Variants in ABTB2 observed in about 807,000 individuals in gnomAD.
ABTB2 encodes ankyrin repeat and BTB/POZ domain-containing protein 2.
A neutral mutation model predicts 104.1 loss-of-function variants in ABTB2; 56 were observed. The observed-to-expected ratio is 0.54, with a 90% CI of 0.43 to 0.67. The LOEUF (loss-of-function observed/expected upper bound fraction) is 0.67. Among genes scored for constraint, ABTB2 ranks in the 30% least tolerant of loss-of-function variants. The probability of loss-of-function intolerance (pLI) is 0.00; values close to 1 mark genes in which losing one functional copy is unlikely to be tolerated. For synonymous variants in ABTB2, 606 were observed against 608.2 expected (o/e 1.00, Z 0.05); for missense variants, 1,279 against 1,407.7 (o/e 0.91, Z 1.46).
At position 34,357,465 on chromosome 11, in the gene ABTB2, T is replaced by C. The variant is rs535418483; in HGVS notation, c.119A>G (p.Gln40Arg). The C allele has an allele frequency of 4.5e-5, 70 of 1,547,352 alleles. 1 individual carries two copies. In the South Asian group the frequency reaches 6.3e-4, roughly 14 times the overall value. Residue 40 changes from glutamine (Q) to arginine (R), a missense_variant, in exon 1 of 17, where the codon CAG becomes CGG. Physicochemically the swap from Gln to Arg is conservative, Grantham distance 43. Coordinates refer to ENST00000435224, the MANE Select transcript of ABTB2 (RefSeq NM_145804.3). The stretch of plus-strand genomic sequence containing the variant: ...CTGCTGCGCCGAAGAGTTGAGCGCC[T>C]GCGAGTTGGACTTGGAGGACGAGAG... ...LSLSSSKSNS[Q>R]ALNSSAQQHR... is the part of the protein sequence containing the mutation.
At chr11:34,337,622 T>G (rs1007740485) in intron 1 of ABTB2, among the ~76,000 whole-genome samples, 2 of 152,154 alleles carry the variant, frequency 1.3e-5, no homozygotes, top group African/African-American at 4.8e-5. Context: ...TCATTTCAAC[T>G]ATCTCAAGGC....
intron 1 of ABTB2, chr11:34,335,438 C>G (rs1188928786): frequency 3.8e-6 from 3 of 787,898 alleles, no homozygotes; most frequent in Non-Finnish European, 6.7e-6. Flanking sequence ...CTTCTTCACT[C>G]TAAACAGTCA....
At position 34,357,605 on chromosome 11, in the gene ABTB2, G is replaced by A; in HGVS notation, c.-22C>T. 1 of 1,489,420 alleles carries A rather than the reference G, an allele frequency of 6.7e-7. No homozygotes were observed. Among genetic ancestry groups the A allele is most frequent in the South Asian group, 1.3e-5 (1 of 78,638 alleles). 92.3% of individuals were successfully genotyped at this position (1,489,420 alleles called of 1,614,324 possible). On this transcript the variant is annotated 5_prime_UTR_variant, in exon 1 of 17. The change creates a new upstream start codon in the 5' untranslated region. Transcript: ENST00000435224. Reference sequence around the variant, plus strand: ...CCATGGGGAGCCTGCCGAGGGCGGCGTCGCCGAGCGAGGGGCACTCACAAC... The same window carrying A: ...CCATGGGGAGCCTGCCGAGGGCGGCATCGCCGAGCGAGGGGCACTCACAAC...
chr11:34,347,317 T>C (rs568298139), intron 1 of ABTB2, among the ~76,000 whole-genome samples: 69 of 152,218 alleles, frequency 4.5e-4, no homozygotes, highest in Non-Finnish European at 9.0e-4. Flanking sequence ...CTGCCTATAA[T>C]CTCAGCTAAC....
chr11:34,329,029 A>T (rs1855101053), intron 1 of ABTB2, among the ~76,000 whole-genome samples: 1 of 152,222 alleles, frequency 6.6e-6, no homozygotes, highest in Non-Finnish European at 1.5e-5. Context: ...ATCTGGCACA[A>T]TTTAAGATCC....
chr11:34,333,712 T>C (rs1295719413), intron 1 of ABTB2, among the ~76,000 whole-genome samples: 1 of 152,164 alleles, frequency 6.6e-6, no homozygotes, highest in Non-Finnish European at 1.5e-5. Flanking sequence ...GCTGAGATTG[T>C]GTCACTGCAC....
chr11:34,255,813 G>A (rs968075458), intron 1 of ABTB2, among the ~76,000 whole-genome samples: 3 of 152,024 alleles, frequency 2.0e-5, no homozygotes, highest in African/African-American at 2.4e-5. Context: ...CACCAGGCCC[G>A]CCCAGAAATT....
At chr11:34,285,682 G>A (rs1173639250) in intron 1 of ABTB2, among the ~76,000 whole-genome samples, 1 of 152,170 alleles carries the variant, frequency 6.6e-6, no homozygotes, top group Non-Finnish European at 1.5e-5. Context: ...AGGGATTTCA[G>A]TATTTTTAAG....
chr11:34,306,555 T>C (rs1854775262), intron 1 of ABTB2, among the ~76,000 whole-genome samples: 1 of 152,040 alleles, frequency 6.6e-6, no homozygotes, highest in South Asian at 2.1e-4. Flanking sequence ...ACTGGAAAGC[T>C]GTTTTTTAAA....
intron 3 of ABTB2, among the ~76,000 whole-genome samples, chr11:34,190,269 CCCCAAAAAAAAAA>C (rs1473906694): frequency 1.1e-5 from 1 of 92,680 alleles, no homozygotes; most frequent in Non-Finnish European, 2.3e-5. Flanking sequence ...CCCGCTGCCC[CCCCAAAAAAAAAA>C]AAAAAGAGAC....
intron 1 of ABTB2, among the ~76,000 whole-genome samples, chr11:34,234,469 A>G (rs1194194722): frequency 3.3e-5 from 5 of 151,998 alleles, no homozygotes; most frequent in Admixed American, 3.3e-4. Flanking sequence ...AAGACTAACT[A>G]CTCACACCCA....
chr11:34,184,014 C>T (rs1335394687), intron 3 of ABTB2, among the ~76,000 whole-genome samples: 1 of 151,710 alleles, frequency 6.6e-6, no homozygotes, highest in Non-Finnish European at 1.5e-5. Context: ...GCTTGCTGGG[C>T]TTAAGCGATC....
In ABTB2 at chr11:34,275,806, A is replaced by G. The variant is rs571744897; in HGVS notation, c.884-71116T>C. ...AATCTTTCATGTCAAGAACACCAAAATTTTTGACTCAGAACTCCCTATGAG... is the reference window on the plus strand; with the variant it reads ...AATCTTTCATGTCAAGAACACCAAAGTTTTTGACTCAGAACTCCCTATGAG... On this transcript the variant is annotated intron_variant, in intron 1 of 16. Coordinates refer to ENST00000435224, the MANE Select transcript of ABTB2 (RefSeq NM_145804.3). 4.6e-5 allele frequency among the ~76,000 whole-genome samples: 7 copies of G among 152,230 alleles called. No individual in the cohort carries two copies. The South Asian group carries it at 1.5e-3, about 32-fold the overall frequency.
chr11:34,196,316 G>A (rs1269708313), intron 3 of ABTB2, among the ~76,000 whole-genome samples: 6 of 152,212 alleles, frequency 3.9e-5, no homozygotes, highest in Non-Finnish European at 7.3e-5. Flanking sequence ...CACTTTGGGA[G>A]GCCAAGGCGC....
rs1461939590 is a variant in ABTB2, at chr11:34,195,075, C to CGGGGGG, written c.1244+2244_1244+2249dup. 4.9e-3 allele frequency among the ~76,000 whole-genome samples: 88 copies of CGGGGGG among 17,982 alleles called. 2 individuals carry two copies. The highest frequency in any genetic ancestry group is 9.7e-3 in the East Asian group (9 of 926). The allele number at this position is 17,982 out of a possible 152,430, so 11.8% of individuals were successfully genotyped here. On this transcript the variant is annotated intron_variant, in intron 3 of 16. Transcript: ENST00000435224. Reference sequence around the variant, plus strand: ...CACAGGACATGACAAAGATGCCCGGCGGGGGGGGGGAGTGGGGGCGGGAGA... The same window carrying CGGGGGG: ...CACAGGACATGACAAAGATGCCCGGCGGGGGGGGGGGGGGGGAGTGGGGGCGGGAGA...
intron 3 of ABTB2, 26 bp downstream of exon 3, chr11:34,197,299 G>A: frequency 1.2e-6 from 2 of 1,611,506 alleles, no homozygotes; most frequent in Non-Finnish European, 1.7e-6. Context: ...GTCCCACCAG[G>A]TGCTCAGCCC....
At chr11:34,296,406 A>G (rs1854623653) in intron 1 of ABTB2, among the ~76,000 whole-genome samples, 1 of 152,228 alleles carries the variant, frequency 6.6e-6, no homozygotes, top group Non-Finnish European at 1.5e-5. Context: ...TAAGCTGGAA[A>G]GATGGGAATG....
intron 12 of ABTB2, 100 bp from the exon 13 acceptor site, chr11:34,160,108 C>T (rs1852687713): frequency 7.9e-7 from 1 of 1,269,566 alleles, no homozygotes; most frequent in Non-Finnish European, 1.1e-6. Flanking sequence ...GGGGGTGGGA[C>T]ACAGAGGTGA....
At chr11:34,335,632 C>A (rs181552424) in intron 1 of ABTB2, 1 of 1,488,616 alleles carries the variant, frequency 6.7e-7, no homozygotes, top group East Asian at 2.3e-5. Flanking sequence ...TGCATCATTA[C>A]CCTGAAATTC....
Sources: allele counts gnomAD v4.1 joint callset (sites outside exome capture counted in the v4.1 genomes callset), GRCh38; gene constraint gnomAD v4.1.1; transcripts MANE v1.5; gene names NCBI Gene and HGNC (gene_info 2026-07-23, HGNC 2026-07-21).